USP9X: variants seen among roughly 807,000 people sequenced by gnomAD.
The protein encoded by USP9X is ubiquitin carboxyl-terminal hydrolase 9X.
A neutral mutation model predicts 190.3 loss-of-function variants in USP9X; 7 were observed. The ratio of observed to expected loss-of-function variants is 0.04; its 90% CI spans 0.02 to 0.07. The LOEUF (loss-of-function observed/expected upper bound fraction) is 0.07. USP9X is among the 10% of genes least tolerant of loss of function. The pLI is 1.00. For missense variants in USP9X, 1,010 were observed against 1,916.9 expected (o/e 0.53, Z 8.83); for synonymous variants, 645 against 659.5 (o/e 0.98, Z 0.34).
At chrX:41,178,899 A>G (rs1428926804) in intron 21 of USP9X, among the ~76,000 whole-genome samples, 2 of 111,984 alleles carry the variant, frequency 1.8e-5, no homozygotes. Flanking sequence ...ATGATGAATA[A>G]TAGGGGTTTA....
chrX:41,169,776 G>A (rs1179188766), intron 18 of USP9X, among the ~76,000 whole-genome samples: 1 of 112,182 alleles, frequency 8.9e-6, no homozygotes, highest in Non-Finnish European at 1.9e-5. Context: ...GATACTGAAA[G>A]TAATACAGGT....
At chrX:41,154,413 A>G (rs758117903) in intron 14 of USP9X, among the ~76,000 whole-genome samples, 65 of 111,801 alleles carry the variant, frequency 5.8e-4, no homozygotes, top group African/African-American at 2.0e-3. Flanking sequence ...CATGGTTGCC[A>G]AGGAGGGCCT....
chrX:41,087,913 A>T (rs749452562), intron 1 of USP9X, among the ~76,000 whole-genome samples: 57 of 112,293 alleles, frequency 5.1e-4, no homozygotes, highest in African/African-American at 1.7e-3. Flanking sequence ...TACTTCAGGA[A>T]GGAACATTGA....
chrX:41,203,318 A>G (rs1248959061), intron 31 of USP9X, among the ~76,000 whole-genome samples: 1 of 111,590 alleles, frequency 9.0e-6, no homozygotes, highest in Non-Finnish European at 1.9e-5. Flanking sequence ...CAAAACTCAA[A>G]CTGTAGTCAT....
At chrX:41,110,328 C>G (rs768698013) in intron 1 of USP9X, among the ~76,000 whole-genome samples, 17 of 112,619 alleles carry the variant, frequency 1.5e-4, no homozygotes, top group Non-Finnish European at 9.4e-5. Context: ...GACAACGATA[C>G]TTAACATGCA....
chrX:41,217,860 A>G (rs900188606), intron 36 of USP9X, among the ~76,000 whole-genome samples: 1 of 112,076 alleles, frequency 8.9e-6, no homozygotes, highest in African/African-American at 3.2e-5. Context: ...ACTGCACTCC[A>G]GCCTGGGCAG....
At chrX:41,177,950 T>C (rs1169955854) in intron 21 of USP9X, among the ~76,000 whole-genome samples, 1 of 109,694 alleles carries the variant, frequency 9.1e-6, no homozygotes, top group African/African-American at 3.3e-5. Context: ...TACTTTATTG[T>C]ACTTTATTAT....
In USP9X at chrX:41,197,622, CTCTTTTTT is replaced by C. The variant is rs915392520; in HGVS notation, c.4380+113_4380+120del. On this transcript the variant is annotated intron_variant, in intron 29 of 44. Coordinates refer to ENST00000378308, the MANE Select transcript of USP9X (RefSeq NM_001039591.3). ...TGTCTTTGTACTTTCTTGATCTTTT[CTCTTTTTT>C]AAGAATCTTTATCAAATTTACAGTA... The C allele has an allele frequency of 5.7e-6, 4 of 699,589 alleles. No homozygotes were observed. In the Admixed American group the frequency reaches 2.0e-4, roughly 36 times the overall value. The allele number at this position is 699,589 out of a possible 1,213,427, so 57.7% of individuals were successfully genotyped here.
intron 6 of USP9X, among the ~76,000 whole-genome samples, chrX:41,140,444 A>G (rs912782372): frequency 8.9e-6 from 1 of 111,932 alleles, no homozygotes. Flanking sequence ...AGACAGAACT[A>G]TGCCCCAGTG....
At chrX:41,189,272 T>A in intron 25 of USP9X, 37 bp from the exon 26 acceptor site, 1 of 1,185,943 alleles carries the variant, frequency 8.4e-7, no homozygotes, top group Non-Finnish European at 1.1e-6. Context: ...TCTTAAATAC[T>A]TCTTTGGGTA....
intron 1 of USP9X, among the ~76,000 whole-genome samples, chrX:41,097,854 C>T (rs2062003859): frequency 9.0e-6 from 1 of 111,409 alleles, no homozygotes; most frequent in Non-Finnish European, 1.9e-5. Flanking sequence ...ACCTCTCTGA[C>T]CTCTTGAAAA....
chrX:41,195,841 T>C (rs1379543826), intron 26 of USP9X: 1 of 309,068 alleles, frequency 3.2e-6, no homozygotes, highest in African/African-American at 2.7e-5. Context: ...TCTGCCACAA[T>C]AGCCTTACCG....
At chrX:41,173,132 C>G (rs183019142) in intron 21 of USP9X, among the ~76,000 whole-genome samples, 1 of 111,571 alleles carries the variant, frequency 9.0e-6, no homozygotes, top group African/African-American at 3.3e-5. Flanking sequence ...CTCTTCCCTT[C>G]TCTCTTTAAT....
chrX:41,161,226 C>T (rs181143150), intron 14 of USP9X, among the ~76,000 whole-genome samples: 1 of 107,741 alleles, frequency 9.3e-6, no homozygotes, highest in Non-Finnish European at 1.9e-5. Context: ...TATGCACACA[C>T]GTGTATGTGT....
intron 1 of USP9X, among the ~76,000 whole-genome samples, chrX:41,098,395 C>T (rs2062008766): frequency 9.0e-6 from 1 of 111,086 alleles, no homozygotes; most frequent in Non-Finnish European, 1.9e-5. Context: ...CCACCTCGGC[C>T]TCCCAAAGTG....
intron 38 of USP9X, among the ~76,000 whole-genome samples, chrX:41,220,436 T>C (rs1216560118): frequency 7.1e-5 from 8 of 112,378 alleles, no homozygotes; most frequent in African/African-American, 2.6e-4. Flanking sequence ...AGATCAGATA[T>C]GCATTGGGAT....
Position 41,085,736 on chromosome X carries a change from G to A in USP9X, c.-532G>A, listed in dbSNP as rs2061904221. ...AGCGGGGACAGAGGCGGCGACTAGG[G>A]GAAGGTGAAGCCGTCGCTGCAGGAG... On this transcript the variant is annotated 5_prime_UTR_variant, in exon 1 of 45. Transcript: ENST00000378308. 7 of 297,082 alleles carry A rather than the reference G, an allele frequency of 2.4e-5. No individual in the cohort carries two copies. Among genetic ancestry groups the A allele is most frequent in the Middle Eastern group, 8.8e-4 (1 of 1,140 alleles). The allele number at this position is 297,082 out of a possible 1,213,427, so 24.5% of individuals were successfully genotyped here. A position where few individuals can be genotyped will look rare whatever the true frequency, so the allele number is the denominator to read the frequency against.
In USP9X at chrX:41,148,364, T is replaced by A; in HGVS notation, c.1420-5T>A. The A allele has an allele frequency of 1.7e-6, 2 of 1,211,202 alleles. No individual in the cohort carries two copies. Among genetic ancestry groups the A allele is most frequent in the African/African-American group, 3.5e-5 (2 of 57,793 alleles). The stretch of plus-strand genomic sequence containing the variant: ...TTGTTTTCATGTCACTTAATTTTTT[T>A]CTAGGCCAGTTGGACAAATGCGAGT... On this transcript the variant is annotated splice_region_variant and splice_polypyrimidine_tract_variant and intron_variant, in intron 11 of 44. Coordinates refer to ENST00000378308, the MANE Select transcript of USP9X (RefSeq NM_001039591.3).
At chrX:41,204,058 G>T (rs1602030015) in intron 31 of USP9X, among the ~76,000 whole-genome samples, 1 of 111,709 alleles carries the variant, frequency 9.0e-6, no homozygotes. Flanking sequence ...TACCAGCATT[G>T]CACAAGAGCT....
Sources: allele counts gnomAD v4.1 joint callset (sites outside exome capture counted in the v4.1 genomes callset), GRCh38; gene constraint gnomAD v4.1.1; transcripts MANE v1.5; gene names NCBI Gene and HGNC (gene_info 2026-07-23, HGNC 2026-07-21).